Variants in CC2D1A observed in about 807,000 individuals in gnomAD.
The protein encoded by CC2D1A is coiled-coil and C2 domain-containing protein 1A.
Under a neutral mutation model 123.8 loss-of-function variants are expected in CC2D1A, and 68 were observed. That is an observed-to-expected ratio of 0.55 (90% CI 0.45 to 0.67). The LOEUF is 0.67. Among genes scored for constraint, CC2D1A ranks in the 30% least tolerant of loss-of-function variants. CC2D1A has a pLI of 0.00. For missense variants in CC2D1A, 1,185 were observed against 1,290.3 expected (o/e 0.92, Z 1.25); for synonymous variants, 477 against 528.0 (o/e 0.90, Z 1.32).
rs1971881652 is a variant in CC2D1A at position 13,930,764 on chromosome 19, A to AC, written c.*373dup. ...AGCCTTAACCCCAAAGCCCTCCTGC[A>AC]CCCCAAAGAAGCCACTGAGGCTGGC... On this transcript the variant is annotated 3_prime_UTR_variant, in exon 29 of 29. Transcript: ENST00000318003. The surrounding 1 kb of genome is among the most constrained non-coding windows in gnomAD (Gnocchi z 6.8). The AC allele has an allele frequency of 3.1e-6, 1 of 323,730 alleles. No homozygotes were observed. The highest frequency in any genetic ancestry group is 5.7e-6 in the Non-Finnish European group (1 of 176,092). The allele number at this position is 323,730 out of a possible 1,614,324, so 20.1% of individuals were successfully genotyped here.
At chr19:13,917,258 C>T (rs989646524) in intron 6 of CC2D1A, among the ~76,000 whole-genome samples, 2 of 151,824 alleles carry the variant, frequency 1.3e-5, no homozygotes, top group Non-Finnish European at 2.9e-5. Flanking sequence ...TCACTTGAGC[C>T]CAGGAGTTTG....
intron 2 of CC2D1A, among the ~76,000 whole-genome samples, chr19:13,911,755 G>A (rs552050664): frequency 1.6e-5 from 2 of 124,622 alleles, no homozygotes; most frequent in African/African-American, 3.3e-5. Context: ...TCGCTCTGTC[G>A]CCCAGGCTGG....
intron 1 of CC2D1A, among the ~76,000 whole-genome samples, chr19:13,908,454 A>G (rs987938214): frequency 2.0e-5 from 3 of 150,604 alleles, no homozygotes; most frequent in Non-Finnish European, 3.0e-5. Context: ...CCCTGTCGTC[A>G]GGGCTTCTAA....
rs201404472 is a variant in CC2D1A, at chr19:13,909,843, C to T, written c.81C>T (p.Leu27=). The part of the protein sequence containing the change: ...AARQLGLLVD[L]SPDGLMIPED... ...CCTAGCTGGGCCTGCTGGTTGACCTCTCCCCAGATGGCCTGATGATCCCTG... is the reference window on the plus strand; with the variant it reads ...CCTAGCTGGGCCTGCTGGTTGACCTTTCCCCAGATGGCCTGATGATCCCTG... Residue 27 remains leucine (L), a synonymous_variant, in exon 2 of 29, where the codon CTC becomes CTT. Transcript: ENST00000318003. 1.7e-4 allele frequency: 271 copies of T among 1,584,712 alleles called. No individual in the cohort carries two copies. Among genetic ancestry groups the T allele is most frequent in the Non-Finnish European group, 2.3e-4 (265 of 1,161,820 alleles).
In CC2D1A at chr19:13,930,267, G is replaced by A; in HGVS notation, c.2813G>A (p.Arg938Lys). The change falls in exon 28 of 29, where the codon AGG becomes AAG. Residue 938 changes from arginine to lysine, a missense_variant. Physicochemically the swap from Arg to Lys is conservative, Grantham distance 26. Transcript: ENST00000318003. This position sits in a 1 kb window ranked among gnomAD's most constrained non-coding sequence, Gnocchi z 6.8. ...GATGCTGCAAAGGAGGCGCTCTATA[G>A]GCGGAATCTGGTAGAGAGTGAGGTA... ...SRDAAKEALY[R>K]RNLVESELQR... The A allele has an allele frequency of 1.2e-6, 2 of 1,613,972 alleles. No individual in the cohort carries two copies. The highest frequency in any genetic ancestry group is 1.7e-6 in the Non-Finnish European group (2 of 1,179,926).
chr19:13,928,234 C>G (rs1478881358), intron 24 of CC2D1A, 46 bp downstream of exon 24: 3 of 1,530,708 alleles, frequency 2.0e-6, no homozygotes, highest in African/African-American at 1.4e-5. Flanking sequence ...CCCAATTCCC[C>G]TCTCAGCCCC....
At chr19:13,919,271 C>CAA (rs1971323963) in intron 11 of CC2D1A, 69 bp downstream of exon 11, 1 of 1,257,328 alleles carries the variant, frequency 8.0e-7, no homozygotes, top group Admixed American at 2.4e-5. Context: ...CCAGAGGCCC[C>CAA]GCCGCTGGCA....
intron 1 of CC2D1A, among the ~76,000 whole-genome samples, chr19:13,909,122 C>T (rs1462347468): frequency 6.6e-6 from 1 of 152,042 alleles, no homozygotes; most frequent in Non-Finnish European, 1.5e-5. Context: ...CCTGTAATCC[C>T]AGCACTTTGG....
Position 13,926,002 on chromosome 19 carries a change from A to G in CC2D1A, c.1941-515A>G, listed in dbSNP as rs867109923. Among the ~76,000 whole-genome samples the G allele has an allele frequency of 1.2e-3, 144 of 120,686 alleles. 1 individual carries two copies. In the South Asian group the frequency reaches 0.014, roughly 11 times the overall value. The allele number at this position is 120,686 out of a possible 152,430, so 79.2% of individuals were successfully genotyped here. On this transcript the variant is annotated intron_variant, in intron 17 of 28. Coordinates refer to ENST00000318003, the MANE Select transcript of CC2D1A (RefSeq NM_017721.5). ...TATATATATATACATATATGTGTGTATATATATATATACGTATATATATGT... is the reference window on the plus strand; with the variant it reads ...TATATATATATACATATATGTGTGTGTATATATATATACGTATATATATGT...
chr19:13,929,800 C>T (rs1599413310), intron 26 of CC2D1A, 140 bp downstream of exon 26: 1 of 161,512 alleles, frequency 6.2e-6, no homozygotes, highest in East Asian at 1.7e-4. Flanking sequence ...GGGATGGGCA[C>T]CTGGAGGGGG....
At position 13,928,204 on chromosome 19, in the gene CC2D1A, A is replaced by T. The variant is rs8107425; in HGVS notation, c.2519+16A>T. On this transcript the variant is annotated intron_variant, in intron 24 of 28. Coordinates refer to ENST00000318003, the MANE Select transcript of CC2D1A (RefSeq NM_017721.5). ...CAGGGAACAGGTAGGTATCTGGGCCAGGGCATGCTGGAGAAAACACCCAAT... is the reference window on the plus strand; with the variant it reads ...CAGGGAACAGGTAGGTATCTGGGCCTGGGCATGCTGGAGAAAACACCCAAT... 1.1e-3 allele frequency: 1,817 copies of T among 1,610,912 alleles called. 12 individuals are homozygous for T. The African/African-American group carries it at 0.02, about 18-fold the overall frequency.
At chr19:13,907,253 C>CA (rs1340240204) in intron 1 of CC2D1A, among the ~76,000 whole-genome samples, 1 of 151,582 alleles carries the variant, frequency 6.6e-6, no homozygotes, top group Non-Finnish European at 1.5e-5. Flanking sequence ...CCCGTCTCGA[C>CA]AAAAAAAGAC....
intron 1 of CC2D1A, 38 bp from the exon 2 acceptor site, chr19:13,909,785 G>A (rs768454349): frequency 6.2e-7 from 1 of 1,608,454 alleles, no homozygotes; most frequent in Admixed American, 1.7e-5. Flanking sequence ...GCCATGTGGT[G>A]AACCAAAGGT....
At chr19:13,925,947 TATATATATATATAC>T in intron 17 of CC2D1A, among the ~76,000 whole-genome samples, 1 of 131,932 alleles carries the variant, frequency 7.6e-6, no homozygotes, top group African/African-American at 3.1e-5. Flanking sequence ...TATATATATA[TATATATATATATAC>T]ACGTATATAT....
In CC2D1A at chr19:13,913,148, GT is replaced by G; in HGVS notation, c.379-19del. 1.9e-6 allele frequency: 3 copies of G among 1,588,776 alleles called. No individual in the cohort carries two copies. The highest frequency in any genetic ancestry group is 2.0e-4 in the Middle Eastern group (1 of 5,000). The stretch of plus-strand genomic sequence containing the variant: ...CCCAAGTGGGGTCACCACCCACACT[GT>G]GCCCCTGCCCTCCCACAGCCGAAGC... On this transcript the variant is annotated intron_variant, in intron 4 of 28. Transcript: ENST00000318003.
In CC2D1A at chr19:13,918,563, G is replaced by GC. The variant is rs750222217; in HGVS notation, c.938dup (p.Pro314SerfsTer89). On this transcript the variant is annotated frameshift_variant, in exon 8 of 29. Coordinates refer to ENST00000318003, the MANE Select transcript of CC2D1A (RefSeq NM_017721.5). LOFTEE classifies it high-confidence loss of function. ...GTGAGCCCGTGGACCTCTCCTGCCTGCCCCCTCCACCCGGTGAGAACCCTG... is the reference window on the plus strand; with the variant it reads ...GTGAGCCCGTGGACCTCTCCTGCCTGCCCCCCTCCACCCGGTGAGAACCCTG... 1.9e-6 allele frequency: 3 copies of GC among 1,613,362 alleles called. No homozygotes were observed. The highest frequency in any genetic ancestry group is 2.5e-6 in the Non-Finnish European group (3 of 1,179,936).
At position 13,923,839 on chromosome 19, in the gene CC2D1A, C is replaced by T. The variant is rs374546138; in HGVS notation, c.1940+28C>T. ...AAGGCTCCTGATCTACGCCCCACCA[C>T]GTGGCCCCAGTGGCCCTTTGGTGGC... On this transcript the variant is annotated intron_variant, in intron 17 of 28. Coordinates refer to ENST00000318003, the MANE Select transcript of CC2D1A (RefSeq NM_017721.5). This position sits in a 1 kb window ranked among gnomAD's most constrained non-coding sequence, Gnocchi z 5.3. The T allele has an allele frequency of 7.1e-6, 11 of 1,556,302 alleles. No individual in the cohort carries two copies. Among genetic ancestry groups the T allele is most frequent in the East Asian group, 2.2e-5 (1 of 44,538 alleles).
rs754444990 is a variant in CC2D1A at position 13,920,897 on chromosome 19, A to G, written c.1616A>G (p.Asn539Ser). Residue 539 changes from asparagine to serine, a missense_variant, in exon 14 of 29, where the codon AAT becomes AGT. Asn to Ser is a conservative substitution (Grantham distance 46). Transcript: ENST00000318003. ...GLEPMLEASR[N>S]GLPVDITKVP... ...GAGCCTATGCTGGAGGCCTCGCGCA[A>G]TGGGCTGCCTGTGGACATCACCAAG... is the stretch of plus-strand genomic sequence containing the variant. 5.0e-6 allele frequency: 8 copies of G among 1,613,832 alleles called. No individual in the cohort carries two copies. The highest frequency in any genetic ancestry group is 6.8e-6 in the Non-Finnish European group (8 of 1,179,910).
chr19:13,913,128 G>C, intron 4 of CC2D1A, 40 bp from the exon 5 acceptor site: 1 of 1,545,790 alleles, frequency 6.5e-7, no homozygotes, highest in African/African-American at 1.4e-5. Context: ...GGCATCCCAA[G>C]TGGGGTCACC....
Sources: gnomAD v4.1 joint callset for allele counts (sites outside exome capture counted in the v4.1 genomes callset) on GRCh38, gnomAD v4.1.1 for gene constraint, Gnocchi (gnomAD v3.1) non-coding constraint, MANE v1.5 for transcripts, NCBI Gene and HGNC (gene_info 2026-07-23, HGNC 2026-07-21) for gene names.